WDPCP: variants seen among roughly 807,000 people sequenced by gnomAD.
The protein encoded by WDPCP is WD repeat containing planar cell polarity effector.
WDPCP carries 71 observed loss-of-function variants against 93.1 expected under a neutral mutation model. That is an observed-to-expected ratio of 0.76 (90% CI 0.63 to 0.93). The LOEUF (loss-of-function observed/expected upper bound fraction) is 0.93. Among genes scored for constraint, WDPCP ranks in the 40% least tolerant of loss-of-function variants. The pLI, the probability that WDPCP is intolerant of heterozygous loss-of-function variation, is 0.00. For missense variants in WDPCP, 844 were observed against 887.4 expected (o/e 0.95, Z 0.62); for synonymous variants, 315 against 315.0 (o/e 1.00, Z 0.00).
intron 13 of WDPCP, among the ~76,000 whole-genome samples, chr2:63,312,630 A>G (rs1358440710): frequency 3.9e-5 from 6 of 152,188 alleles, no homozygotes; most frequent in Non-Finnish European, 7.4e-5. Context: ...TTTGATCTCA[A>G]TGTGGCACTG....
chr2:63,788,277 A>G (rs906500733), intron 2 of WDPCP, among the ~76,000 whole-genome samples: 1 of 152,170 alleles, frequency 6.6e-6, no homozygotes, highest in Non-Finnish European at 1.5e-5. Flanking sequence ...AAACAAAATG[A>G]GCAATATGTC....
intron 2 of WDPCP, among the ~76,000 whole-genome samples, chr2:63,724,586 T>C (rs1669472147): frequency 6.6e-6 from 1 of 152,160 alleles, no homozygotes; most frequent in Non-Finnish European, 1.5e-5. Context: ...AATTTCAGGA[T>C]ATAAAACCTG....
At chr2:63,681,615 C>T (rs576906752) in intron 2 of WDPCP, among the ~76,000 whole-genome samples, 1 of 152,270 alleles carries the variant, frequency 6.6e-6, no homozygotes, top group Admixed American at 6.5e-5. Context: ...CAACTCACCA[C>T]CTTGAAGGGA....
chr2:63,621,128 A>T (rs773300422), intron 3 of WDPCP, among the ~76,000 whole-genome samples: 1 of 151,918 alleles, frequency 6.6e-6, no homozygotes, highest in Non-Finnish European at 1.5e-5. Context: ...AAGGATCACA[A>T]CTCCTCACCA....
chr2:63,631,299 T>A (rs1709862788), intron 3 of WDPCP, among the ~76,000 whole-genome samples: 1 of 151,880 alleles, frequency 6.6e-6, no homozygotes, highest in Non-Finnish European at 1.5e-5. Context: ...TTTAAAAAAA[T>A]TGTGAAACAC....
At chr2:63,298,187 C>G (rs776390774) in intron 13 of WDPCP, among the ~76,000 whole-genome samples, 7 of 152,074 alleles carry the variant, frequency 4.6e-5, no homozygotes, top group African/African-American at 9.7e-5. Context: ...GTGTCACGGC[C>G]CATAACAATC....
intron 1 of WDPCP, among the ~76,000 whole-genome samples, chr2:63,543,943 T>C (rs1704939880): frequency 6.6e-6 from 1 of 152,096 alleles, no homozygotes; most frequent in South Asian, 2.1e-4. Flanking sequence ...TGTACTTTAT[T>C]TGTACTCTGG....
intron 2 of WDPCP, among the ~76,000 whole-genome samples, chr2:63,751,029 G>C (rs1041475163): frequency 6.6e-6 from 1 of 152,040 alleles, no homozygotes; most frequent in South Asian, 2.1e-4. Context: ...TTTTTTATAA[G>C]GGTTTGTGTA....
At chr2:63,476,304 C>T (rs964430868) in intron 6 of WDPCP, among the ~76,000 whole-genome samples, 2 of 152,124 alleles carry the variant, frequency 1.3e-5, no homozygotes, top group African/African-American at 4.8e-5. Context: ...TTTCTAGTCC[C>T]TTCATTCTTC....
At chr2:63,278,655 G>T (rs1683268395) in intron 13 of WDPCP, among the ~76,000 whole-genome samples, 1 of 151,992 alleles carries the variant, frequency 6.6e-6, no homozygotes, top group Non-Finnish European at 1.5e-5. Flanking sequence ...GTGAAACCCT[G>T]TCTCTACTAA....
At chr2:63,603,300 G>A (rs1294365704) in intron 3 of WDPCP, among the ~76,000 whole-genome samples, 1 of 152,142 alleles carries the variant, frequency 6.6e-6, no homozygotes, top group South Asian at 2.1e-4. Context: ...TCAGTTTGGA[G>A]CTGTTATTAC....
intron 2 of WDPCP, among the ~76,000 whole-genome samples, chr2:63,705,890 A>G (rs1358609566): frequency 6.6e-6 from 1 of 152,050 alleles, no homozygotes; most frequent in African/African-American, 2.4e-5. Context: ...TAATGTTGAC[A>G]GTGGGGTGTT....
At chr2:63,339,158 T>TC (rs1688662044) in intron 12 of WDPCP, among the ~76,000 whole-genome samples, 1 of 151,892 alleles carries the variant, frequency 6.6e-6, no homozygotes, top group African/African-American at 2.4e-5. Flanking sequence ...GGGATTGCCT[T>TC]CCTGATTTCT....
intron 13 of WDPCP, among the ~76,000 whole-genome samples, chr2:63,294,440 G>A (rs568416634): frequency 1.3e-5 from 2 of 148,818 alleles, no homozygotes; most frequent in African/African-American, 2.5e-5. Context: ...AACCCGGGAG[G>A]TGGAGGTTGC....
intron 2 of WDPCP, among the ~76,000 whole-genome samples, chr2:63,688,594 A>T (rs1239454286): frequency 6.6e-6 from 1 of 152,044 alleles, no homozygotes; most frequent in Admixed American, 6.6e-5. Context: ...AAAGAAATCA[A>T]TTTAATTGTA....
chr2:63,274,136 C>T (rs1028494943), intron 13 of WDPCP, among the ~76,000 whole-genome samples: 7 of 152,002 alleles, frequency 4.6e-5, no homozygotes, highest in Admixed American at 3.3e-4. Context: ...TTAAAAAAAT[C>T]GTATCAAGTA....
intron 2 of WDPCP, among the ~76,000 whole-genome samples, chr2:63,729,044 C>T (rs1251928139): frequency 6.6e-6 from 1 of 152,154 alleles, no homozygotes; most frequent in African/African-American, 2.4e-5. Flanking sequence ...TCCACGTTAT[C>T]CACACTCATG....
chr2:63,420,393 C>G (rs1695763250), intron 9 of WDPCP, among the ~76,000 whole-genome samples: 1 of 133,070 alleles, frequency 7.5e-6, no homozygotes. Context: ...AATTAGCCGG[C>G]TATGGTGGCA....
chr2:63,328,452 A>C (rs1327301065), intron 12 of WDPCP, among the ~76,000 whole-genome samples: 1 of 152,142 alleles, frequency 6.6e-6, no homozygotes, highest in Non-Finnish European at 1.5e-5. Flanking sequence ...CGAGACCACA[A>C]ATCCACCGGG....
Sources: gnomAD v4.1 joint callset for allele counts (sites outside exome capture counted in the v4.1 genomes callset) on GRCh38, gnomAD v4.1.1 for gene constraint, MANE v1.5 for transcripts, NCBI Gene and HGNC (gene_info 2026-07-23, HGNC 2026-07-21) for gene names.